SLC26A5: variants seen among roughly 807,000 people sequenced by gnomAD.
The protein encoded by SLC26A5 is solute carrier family 26 member 5, also known as prestin.
A neutral mutation model predicts 81.0 loss-of-function variants in SLC26A5; 51 were observed. The ratio of observed to expected loss-of-function variants is 0.63; its 90% CI spans 0.50 to 0.80. The LOEUF is 0.80. Among genes scored for constraint, SLC26A5 ranks in the 30% least tolerant of loss-of-function variants. The pLI, the probability that SLC26A5 is intolerant of heterozygous loss-of-function variation, is 0.00. For missense variants in SLC26A5, 771 were observed against 905.8 expected (o/e 0.85, Z 1.91); for synonymous variants, 325 against 332.8 (o/e 0.98, Z 0.25).
At chr7:103,364,449 C>T in intron 19 of SLC26A5, 1 of 927,086 alleles carries the variant, frequency 1.1e-6, no homozygotes, top group African/African-American at 1.7e-5. Context: ...CATTGTGTTG[C>T]CCAGGCTGGA....
intron 8 of SLC26A5, among the ~76,000 whole-genome samples, chr7:103,398,805 A>G (rs1726156236): frequency 6.6e-6 from 1 of 152,194 alleles, no homozygotes; most frequent in Admixed American, 6.5e-5. Context: ...TGCAGGAAAC[A>G]AATAATAAAC....
At chr7:103,419,847 C>T (rs1411326521) in intron 4 of SLC26A5, among the ~76,000 whole-genome samples, 2 of 151,988 alleles carry the variant, frequency 1.3e-5, no homozygotes, top group Non-Finnish European at 2.9e-5. Context: ...CCTAGATCCA[C>T]TATTTTTATT....
At chr7:103,361,177 CA>C (rs1820370475) in intron 19 of SLC26A5, among the ~76,000 whole-genome samples, 1 of 148,630 alleles carries the variant, frequency 6.7e-6, no homozygotes, top group African/African-American at 2.5e-5. Flanking sequence ...AAAAAAGTAG[CA>C]AAAACAATAA....
At chr7:103,355,991 A>G (rs954818830) in intron 19 of SLC26A5, among the ~76,000 whole-genome samples, 6 of 152,240 alleles carry the variant, frequency 3.9e-5, no homozygotes, top group Admixed American at 3.3e-4. Context: ...TAATCATTTA[A>G]AAGATTTAAA....
In SLC26A5 at chr7:103,413,060, A is replaced by G; in HGVS notation, c.345T>C (p.Ser115=). The G allele has an allele frequency of 2.5e-6, 4 of 1,614,102 alleles. No homozygotes were observed. Among genetic ancestry groups the G allele is most frequent in the Non-Finnish European group, 3.4e-6 (4 of 1,179,964 alleles). The change falls in exon 5 of 20, where the codon TCT becomes TCC. Residue 115 remains serine (S), a synonymous_variant. Coordinates refer to ENST00000306312, the MANE Select transcript of SLC26A5 (RefSeq NM_198999.3). The part of the protein sequence containing the change: ...AAVPPIFGLY[S]SFYPVIMYCF... ...AATACATGATAACAGGGTAAAATGA[A>G]GAGTACAGGCCAAATATTGGAGGCA...
In SLC26A5 at chr7:103,443,082, C is replaced by T. The variant is rs943340449; in HGVS notation, c.-54+1G>A. 1.3e-5 allele frequency: 2 copies of T among 152,240 alleles called. No homozygotes were observed. Among genetic ancestry groups the T allele is most frequent in the Non-Finnish European group, 2.9e-5 (2 of 68,082 alleles). 9.4% of individuals were successfully genotyped at this position (152,240 alleles called of 1,614,324 possible). A position where few individuals can be genotyped will look rare whatever the true frequency, so the allele number is the denominator to read the frequency against. ...CTAGTTCCAGGGGGCCGTCTACTTACCCAGATCCAATGTGCAGCACAAAAG... is the reference window on the plus strand; with the variant it reads ...CTAGTTCCAGGGGGCCGTCTACTTATCCAGATCCAATGTGCAGCACAAAAG... On this transcript the variant is annotated splice_donor_variant, in intron 2 of 19. Transcript: ENST00000306312. LOFTEE classifies it low-confidence loss of function (5UTR_SPLICE).
At chr7:103,438,198 G>A (rs567767208) in intron 2 of SLC26A5, among the ~76,000 whole-genome samples, 1 of 152,014 alleles carries the variant, frequency 6.6e-6, no homozygotes, top group African/African-American at 2.4e-5. Context: ...AAAAAACTAA[G>A]AGTAAATTTC....
intron 2 of SLC26A5, among the ~76,000 whole-genome samples, chr7:103,427,161 C>A (rs1223876836): frequency 1.3e-5 from 2 of 151,654 alleles, no homozygotes; most frequent in Non-Finnish European, 2.9e-5. Flanking sequence ...GCAACCTCTG[C>A]CTCCTGGGTT....
rs185411767 is a variant in SLC26A5, at chr7:103,377,908, C to T, written c.1786-109G>A. The T allele has an allele frequency of 1.5e-5, 15 of 971,802 alleles. No individual in the cohort carries two copies. In the Admixed American group the frequency reaches 2.6e-4, roughly 17 times the overall value. 60.2% of individuals were successfully genotyped at this position (971,802 alleles called of 1,614,324 possible). ...CTCTTGTGTTCTTAAGCTACTGACT[C>T]TACCAGACCCCTTGTAAAATATTTG... On this transcript the variant is annotated intron_variant, in intron 17 of 19. Coordinates refer to ENST00000306312, the MANE Select transcript of SLC26A5 (RefSeq NM_198999.3).
intron 9 of SLC26A5, 71 bp from the exon 10 acceptor site, chr7:103,393,137 G>T: frequency 6.3e-7 from 1 of 1,581,334 alleles, no homozygotes; most frequent in Non-Finnish European, 8.6e-7. Context: ...TGCGACTGCA[G>T]GGAAGCATTT....
At chr7:103,391,056 G>T (rs945638314) in intron 11 of SLC26A5, among the ~76,000 whole-genome samples, 1 of 152,124 alleles carries the variant, frequency 6.6e-6, no homozygotes, top group African/African-American at 2.4e-5. Context: ...AGTAGAGACA[G>T]GGTTCACCAG....
chr7:103,381,761 C>CCACA (rs151130633), intron 14 of SLC26A5, among the ~76,000 whole-genome samples: 3 of 150,100 alleles, frequency 2.0e-5, no homozygotes, highest in Non-Finnish European at 3.0e-5. Context: ...ACCCCTCATA[C>CCACA]CACACACACA....
At chr7:103,395,417 G>C (rs1452351465) in intron 9 of SLC26A5, among the ~76,000 whole-genome samples, 1 of 140,936 alleles carries the variant, frequency 7.1e-6, no homozygotes, top group East Asian at 2.0e-4. Flanking sequence ...AATGCAATAG[G>C]GAAAGGAAGA....
intron 2 of SLC26A5, among the ~76,000 whole-genome samples, chr7:103,442,867 T>A (rs1442174438): frequency 6.6e-6 from 1 of 152,246 alleles, no homozygotes; most frequent in South Asian, 2.1e-4. Flanking sequence ...TCAAAGCTGG[T>A]TGATAGCTAA....
chr7:103,356,561 G>A (rs1166909382), intron 19 of SLC26A5, among the ~76,000 whole-genome samples: 1 of 152,172 alleles, frequency 6.6e-6, no homozygotes, highest in Non-Finnish European at 1.5e-5. Context: ...TTTGTACTGT[G>A]TTGATTACTA....
intron 19 of SLC26A5, among the ~76,000 whole-genome samples, chr7:103,354,616 C>T (rs536584918): frequency 1.4e-4 from 21 of 152,078 alleles, no homozygotes; most frequent in Admixed American, 2.6e-4. Flanking sequence ...GTGATCCACC[C>T]GCCTCCGCCC....
intron 4 of SLC26A5, among the ~76,000 whole-genome samples, chr7:103,420,302 T>TC (rs1825241889): frequency 1.3e-5 from 2 of 148,972 alleles, no homozygotes; most frequent in African/African-American, 5.0e-5. Context: ...TTTTTTTTTT[T>TC]TTTTTTTTTT....
chr7:103,371,332 T>A (rs185046185), downstream of SLC26A5, among the ~76,000 whole-genome samples: 568 of 151,942 alleles, frequency 3.7e-3, 4 homozygotes, highest in African/African-American at 0.013. Context: ...ACTACTTTTT[T>A]TTTTTTTTTT....
chr7:103,390,461 C>G lies in SLC26A5; in HGVS notation c.1279G>C (p.Ala427Pro). ...ASLMILLVIL[A>P]TGFLFESLPQ... ...AATGATTCAAAGAGGAATCCAGTTG[C>G]TAATATGACCAGCAGAATCATTAAT... The change falls in exon 12 of 20, where the codon GCA becomes CCA. Residue 427 changes from alanine (A) to proline (P), a missense_variant. Coordinates refer to ENST00000306312, the MANE Select transcript of SLC26A5 (RefSeq NM_198999.3). 6.2e-7 allele frequency: 1 copy of G among 1,614,140 alleles called. No individual in the cohort carries two copies. The highest frequency in any genetic ancestry group is 1.1e-5 in the South Asian group (1 of 91,076).
Sources: allele counts gnomAD v4.1 joint callset (sites outside exome capture counted in the v4.1 genomes callset), GRCh38; gene constraint gnomAD v4.1.1; transcripts MANE v1.5; gene names NCBI Gene and HGNC (gene_info 2026-07-23, HGNC 2026-07-21).